ITGA9: variants seen among roughly 807,000 people sequenced by gnomAD.
ITGA9 encodes the protein integrin alpha-9.
Under a neutral mutation model 127.8 loss-of-function variants are expected in ITGA9, and 56 were observed. The observed-to-expected ratio is 0.44, with a 90% CI of 0.35 to 0.55. The LOEUF is 0.55. Ranked by LOEUF, ITGA9 falls within the 20% of genes least tolerant of loss-of-function variation. The pLI, the probability that ITGA9 is intolerant of heterozygous loss-of-function variation, is 0.00. For missense variants in ITGA9, 1,196 were observed against 1,347.1 expected (o/e 0.89, Z 1.76); for synonymous variants, 508 against 514.5 (o/e 0.99, Z 0.17).
At chr3:37,621,615 A>G (rs1700129603) in intron 15 of ITGA9, among the ~76,000 whole-genome samples, 1 of 152,208 alleles carries the variant, frequency 6.6e-6, no homozygotes, top group Non-Finnish European at 1.5e-5. Context: ...ATTCCCAAAT[A>G]TCCAGCTACA....
At chr3:37,703,463 A>G (rs1289956656) in intron 18 of ITGA9, among the ~76,000 whole-genome samples, 1 of 152,206 alleles carries the variant, frequency 6.6e-6, no homozygotes, top group East Asian at 1.9e-4. Flanking sequence ...TTTTTGACCT[A>G]TAAAAAAGGT....
intron 17 of ITGA9, among the ~76,000 whole-genome samples, chr3:37,679,825 A>G (rs191586686): frequency 2.8e-4 from 43 of 152,346 alleles, no homozygotes; most frequent in Admixed American, 9.8e-4. Context: ...CTAGGAGTTC[A>G]ACGATAAGCA....
intron 17 of ITGA9, among the ~76,000 whole-genome samples, chr3:37,662,216 A>G (rs930726317): frequency 6.6e-6 from 1 of 152,070 alleles, no homozygotes; most frequent in Non-Finnish European, 1.5e-5. Flanking sequence ...AGCCTGGGCA[A>G]CATGTCAAAA....
intron 13 of ITGA9, among the ~76,000 whole-genome samples, chr3:37,528,274 C>T (rs1039475988): frequency 2.0e-5 from 3 of 152,116 alleles, no homozygotes; most frequent in African/African-American, 7.2e-5. Flanking sequence ...TAAAGTAAAG[C>T]GAGGCAGTTA....
intron 18 of ITGA9, among the ~76,000 whole-genome samples, chr3:37,723,964 A>G (rs747208504): frequency 2.4e-4 from 36 of 152,326 alleles, no homozygotes; most frequent in Non-Finnish European, 4.9e-4. Flanking sequence ...CAGGGCAACT[A>G]TGTCACTCAT....
At chr3:37,518,153 G>A (rs1457002847) in intron 10 of ITGA9, among the ~76,000 whole-genome samples, 1 of 145,178 alleles carries the variant, frequency 6.9e-6, no homozygotes, top group Non-Finnish European at 1.5e-5. Context: ...TGTACCTAAT[G>A]CCTAGGTCTG....
chr3:37,573,385 G>A lies in ITGA9; in HGVS notation c.1689+30800G>A, dbSNP rs141567891. ...TGTAACAAATGACTCCAAAACTTGG[G>A]GCTGTGAAATAATCATTTTATTTTG... On this transcript the variant is annotated intron_variant, in intron 15 of 27. Transcript: ENST00000264741. 3.9e-3 allele frequency among the ~76,000 whole-genome samples: 597 copies of A among 152,224 alleles called. 2 individuals are homozygous for A. The highest frequency in any genetic ancestry group is 0.017 in the Middle Eastern group (5 of 294).
chr3:37,728,335 GCC>G (rs1696242902), intron 18 of ITGA9, among the ~76,000 whole-genome samples: 2 of 152,176 alleles, frequency 1.3e-5, no homozygotes, highest in African/African-American at 4.8e-5. Flanking sequence ...GCTTAGATTA[GCC>G]ATATCTCCCC....
At chr3:37,582,366 C>T (rs752140063) in intron 15 of ITGA9, among the ~76,000 whole-genome samples, 1 of 152,184 alleles carries the variant, frequency 6.6e-6, no homozygotes, top group Non-Finnish European at 1.5e-5. Flanking sequence ...GCCCTGAGGT[C>T]ATTTGTCTTG....
chr3:37,545,742 C>T (rs1461539066), intron 15 of ITGA9, among the ~76,000 whole-genome samples: 1 of 152,210 alleles, frequency 6.6e-6, no homozygotes, highest in East Asian at 1.9e-4. Flanking sequence ...GGCTGGAGGC[C>T]TCTGGTGGAT....
chr3:37,796,502 A>G (rs969318845), intron 26 of ITGA9, among the ~76,000 whole-genome samples: 10 of 146,376 alleles, frequency 6.8e-5, no homozygotes, highest in Non-Finnish European at 5.9e-5. Context: ...TGGATGGATG[A>G]ATGGATGGAT....
intron 15 of ITGA9, among the ~76,000 whole-genome samples, chr3:37,565,319 A>G (rs1452785813): frequency 2.0e-5 from 3 of 152,216 alleles, no homozygotes; most frequent in Admixed American, 6.5e-5. Flanking sequence ...ATGCAAGCAC[A>G]CATGCCTCCT....
At chr3:37,593,595 T>C (rs368029924) in intron 15 of ITGA9, among the ~76,000 whole-genome samples, 1 of 152,222 alleles carries the variant, frequency 6.6e-6, no homozygotes. Flanking sequence ...TGTCTCTTCT[T>C]ATATACCATC....
At chr3:37,650,851 T>C (rs6550492) in intron 16 of ITGA9, among the ~76,000 whole-genome samples, 86,145 of 152,014 alleles carry the variant, frequency 0.57, 24,804 homozygotes, top group African/African-American at 0.67. Context: ...AAGACAAAAT[T>C]GCTATCACTG....
intron 7 of ITGA9, among the ~76,000 whole-genome samples, chr3:37,507,374 G>T (rs375859465): frequency 6.6e-6 from 1 of 152,154 alleles, no homozygotes; most frequent in Admixed American, 6.5e-5. Flanking sequence ...AGTGATGCGG[G>T]TGCCTCTATG....
chr3:37,616,478 G>T (rs1489685808), intron 15 of ITGA9, among the ~76,000 whole-genome samples: 1 of 150,292 alleles, frequency 6.7e-6, no homozygotes, highest in Non-Finnish European at 1.5e-5. Flanking sequence ...ATGTCTATTA[G>T]GTCCACTTGG....
intron 8 of ITGA9, among the ~76,000 whole-genome samples, chr3:37,510,079 G>A (rs1298940780): frequency 7.3e-6 from 1 of 136,928 alleles, no homozygotes; most frequent in Non-Finnish European, 1.5e-5. Context: ...TTGGTTCACT[G>A]TAACATCTGC....
intron 26 of ITGA9, among the ~76,000 whole-genome samples, chr3:37,794,615 A>G (rs1409170741): frequency 6.6e-6 from 1 of 152,200 alleles, no homozygotes; most frequent in East Asian, 1.9e-4. Flanking sequence ...CTCTCTCTCA[A>G]GAGCAATGTG....
At chr3:37,776,465 G>A (rs1696909561) in intron 23 of ITGA9, among the ~76,000 whole-genome samples, 1 of 152,212 alleles carries the variant, frequency 6.6e-6, no homozygotes, top group Non-Finnish European at 1.5e-5. Flanking sequence ...GATGCCTGTG[G>A]TTAGCCATGG....
Sources: allele counts gnomAD v4.1 joint callset (sites outside exome capture counted in the v4.1 genomes callset), GRCh38; gene constraint gnomAD v4.1.1; transcripts MANE v1.5; gene names NCBI Gene and HGNC (gene_info 2026-07-23, HGNC 2026-07-21).